Variants in SHOC1 observed in about 807,000 individuals in gnomAD.
SHOC1 encodes shortage in chiasmata 1.
Under a neutral mutation model 179.2 loss-of-function variants are expected in SHOC1, and 136 were observed. That is an observed-to-expected ratio of 0.76 (90% confidence interval 0.66 to 0.87). The LOEUF is 0.87. SHOC1 is among the 40% of genes least tolerant of loss of function. The pLI, the probability that SHOC1 is intolerant of heterozygous loss-of-function variation, is 0.00. For missense variants in SHOC1, 1,538 were observed against 1,700.8 expected (o/e 0.90, Z 1.68); for synonymous variants, 489 against 586.6 (o/e 0.83, Z 2.41).
At chr9:111,736,620 A>C (rs185589077) in intron 12 of SHOC1, among the ~76,000 whole-genome samples, 6 of 152,346 alleles carry the variant, frequency 3.9e-5, no homozygotes, top group Admixed American at 3.9e-4. Flanking sequence ...TCATAGAGGA[A>C]AACCTAGGAA....
At chr9:111,719,898 A>G (rs1389977535) in intron 15 of SHOC1, among the ~76,000 whole-genome samples, 1 of 152,204 alleles carries the variant, frequency 6.6e-6, no homozygotes, top group East Asian at 1.9e-4. Context: ...AGGACATCTA[A>G]GTTTAATGAA....
Position 111,763,822 on chromosome 9 carries a change from A to G in SHOC1, c.443-4974T>C, listed in dbSNP as rs113881979. Among the ~76,000 whole-genome samples, 529 of 152,310 alleles carry G rather than the reference A, an allele frequency of 3.5e-3. 2 individuals are homozygous for G. Among genetic ancestry groups the G allele is most frequent in the African/African-American group, 0.012 (492 of 41,576 alleles). ...AACTAAAATCCCCAAAGATAAAACT[A>G]TTGGTACACTTGATGCTTCAGTGTA... On this transcript the variant is annotated intron_variant, in intron 5 of 27. Coordinates refer to ENST00000682961, the MANE Select transcript of SHOC1 (RefSeq NM_001378211.1).
chr9:111,720,702 A>G (rs1228876992), intron 15 of SHOC1, among the ~76,000 whole-genome samples: 5 of 152,008 alleles, frequency 3.3e-5, no homozygotes, highest in Non-Finnish European at 5.9e-5. Context: ...TGTGCTTTCA[A>G]GTTAACTTTT....
At chr9:111,760,943 TAGG>T (rs1389816651) in intron 5 of SHOC1, among the ~76,000 whole-genome samples, 2 of 151,368 alleles carry the variant, frequency 1.3e-5, no homozygotes, top group African/African-American at 2.4e-5. Context: ...AGTAATAAAA[TAGG>T]AGATTATTTA....
chr9:111,781,340 A>T (rs968662569), intron 3 of SHOC1, among the ~76,000 whole-genome samples: 8 of 152,158 alleles, frequency 5.3e-5, no homozygotes, highest in Admixed American at 3.3e-4. Flanking sequence ...AGCTTCTATT[A>T]ACCATTCCAG....
Position 111,694,370 on chromosome 9 carries a change from A to C in SHOC1, c.3184-8T>G. 1.9e-6 allele frequency: 3 copies of C among 1,592,686 alleles called. No individual in the cohort carries two copies. The highest frequency in any genetic ancestry group is 2.6e-6 in the Non-Finnish European group (3 of 1,166,832). On this transcript the variant is annotated splice_region_variant and splice_polypyrimidine_tract_variant and intron_variant, in intron 24 of 27. Transcript: ENST00000682961. ...TCCTGGGGCAATTATAAGCTAAAAAATATTTTTTATGTTAGATTATAGGAA... is the reference window on the plus strand; with the variant it reads ...TCCTGGGGCAATTATAAGCTAAAAACTATTTTTTATGTTAGATTATAGGAA...
At chr9:111,717,803 C>T (rs1447323135) in intron 16 of SHOC1, among the ~76,000 whole-genome samples, 3 of 151,902 alleles carry the variant, frequency 2.0e-5, no homozygotes, top group Non-Finnish European at 2.9e-5. Flanking sequence ...GATCTTACTC[C>T]TTATAGTTAT....
intron 1 of SHOC1, among the ~76,000 whole-genome samples, chr9:111,792,176 G>A (rs1351635146): frequency 6.6e-6 from 1 of 152,128 alleles, no homozygotes; most frequent in Non-Finnish European, 1.5e-5. Flanking sequence ...TGCTTAACTA[G>A]TCCGGGATGG....
chr9:111,750,756 T>C (rs1834540625), intron 8 of SHOC1, among the ~76,000 whole-genome samples: 1 of 152,236 alleles, frequency 6.6e-6, no homozygotes, highest in South Asian at 2.1e-4. Flanking sequence ...CTTTGTCAAA[T>C]GGAGAGATTG....
In SHOC1 at chr9:111,793,511, T is replaced by C. The variant is rs567554312; in HGVS notation, c.-37+1389A>G. 4.0e-5 allele frequency among the ~76,000 whole-genome samples: 6 copies of C among 151,564 alleles called. No individual in the cohort carries two copies. The South Asian group carries it at 1.0e-3, about 26-fold the overall frequency. On this transcript the variant is annotated intron_variant, in intron 1 of 27. Transcript: ENST00000682961. ...ATGCTTAGAATCCCGTTTATCAAGT[T>C]TATTTCATTGTAATACAGATATCGA...
At chr9:111,740,876 T>TTTTTG (rs1482107330) in intron 11 of SHOC1, among the ~76,000 whole-genome samples, 2 of 152,094 alleles carry the variant, frequency 1.3e-5, no homozygotes, top group Non-Finnish European at 2.9e-5. Flanking sequence ...CCGGCCATTT[T>TTTTTG]TTTTGTTTTG....
intron 2 of SHOC1, among the ~76,000 whole-genome samples, chr9:111,788,449 TTC>T (rs1306339668): frequency 1.3e-5 from 2 of 152,156 alleles, no homozygotes; most frequent in Admixed American, 6.5e-5. Flanking sequence ...AACCAAAAAA[TTC>T]TCATGACTGA....
In SHOC1 at chr9:111,746,270, T is replaced by A. The variant is rs770366222; in HGVS notation, c.1043A>T (p.Glu348Val). The A allele has an allele frequency of 6.2e-7, 1 of 1,611,452 alleles. No homozygotes were observed. The highest frequency in any genetic ancestry group is 1.3e-5 in the African/African-American group (1 of 74,860). ...CGGAGATAATGGAAATGTCTGAAGT[T>A]CTGTACGTAATGAATTCACTGAAGA... The part of the protein sequence containing the change: ...QHSSVNSLRT[E>V]LQTFPLSPVC... Residue 348 changes from glutamate (E) to valine (V), a missense_variant, in exon 10 of 28, where the codon GAA (glutamate) becomes GTA (valine). Coordinates refer to ENST00000682961, the MANE Select transcript of SHOC1 (RefSeq NM_001378211.1).
chr9:111,698,255 G>A (rs746059813), intron 24 of SHOC1, among the ~76,000 whole-genome samples: 2 of 152,174 alleles, frequency 1.3e-5, no homozygotes, highest in African/African-American at 4.8e-5. Context: ...TTTTATTCGT[G>A]AAGTTGTTGC....
At chr9:111,712,304 C>A (rs1341571038) in intron 18 of SHOC1, among the ~76,000 whole-genome samples, 2 of 152,002 alleles carry the variant, frequency 1.3e-5, no homozygotes, top group Non-Finnish European at 2.9e-5. Context: ...ACACAATTGT[C>A]CATGGATGAT....
At chr9:111,791,093 C>T (rs1239408661) in intron 2 of SHOC1, among the ~76,000 whole-genome samples, 1 of 152,110 alleles carries the variant, frequency 6.6e-6, no homozygotes. Flanking sequence ...TTGTTTCATG[C>T]ACAGAGTTAT....
At chr9:111,691,472 A>T in intron 27 of SHOC1, 79 bp downstream of exon 27, 1 of 1,407,106 alleles carries the variant, frequency 7.1e-7, no homozygotes. Context: ...TAAAACAAAA[A>T]AAATGTTAAA....
chr9:111,691,632 A>G lies in SHOC1; in HGVS notation c.4345T>C (p.Tyr1449His), dbSNP rs1398961086. The G allele has an allele frequency of 1.2e-6, 2 of 1,613,960 alleles. No homozygotes were observed. The highest frequency in any genetic ancestry group is 1.7e-5 in the Admixed American group (1 of 59,990). The part of the protein sequence containing the change: ...NQKEFNSLYF[Y>H]QRAGKSLGQK... ...CCTAAACTTTTTCCAGCTCTTTGGT[A>G]GAAATAAAGGCTGTTGAATTCTTTT... The change falls in exon 27 of 28, where the codon TAC becomes CAC. Residue 1449 changes from tyrosine to histidine, a missense_variant. Coordinates refer to ENST00000682961, the MANE Select transcript of SHOC1 (RefSeq NM_001378211.1).
intron 12 of SHOC1, 151 bp downstream of exon 12, chr9:111,738,129 A>C: frequency 8.5e-6 from 5 of 588,890 alleles, no homozygotes; most frequent in Non-Finnish European, 1.1e-5. Context: ...GGACCTAGAG[A>C]AATCCAAAGT....
Sources: allele counts gnomAD v4.1 joint callset (sites outside exome capture counted in the v4.1 genomes callset), GRCh38; gene constraint gnomAD v4.1.1; transcripts MANE v1.5; gene names NCBI Gene and HGNC (gene_info 2026-07-23, HGNC 2026-07-21).